SORCS3: variants seen among roughly 807,000 people sequenced by gnomAD.
The protein encoded by SORCS3 is sortilin related VPS10 domain containing receptor 3, also known as VPS10 domain-containing receptor SorCS3.
A neutral mutation model predicts 146.3 loss-of-function variants in SORCS3; 57 were observed. That is an observed-to-expected ratio of 0.39 (90% CI 0.31 to 0.49). The LOEUF is 0.49. Among genes scored for constraint, SORCS3 ranks in the 20% least tolerant of loss-of-function variants. The pLI is 0.92. For missense variants in SORCS3, 1,341 were observed against 1,575.5 expected, an observed-to-expected ratio of 0.85 and a Z score of 2.52; for synonymous variants, 653 against 618.5, an observed-to-expected ratio of 1.06 and a Z score of -0.83.
chr10:104,945,583 T>A (rs969537664), intron 3 of SORCS3, among the ~76,000 whole-genome samples: 40 of 143,410 alleles, frequency 2.8e-4, no homozygotes, highest in African/African-American at 3.0e-4. Flanking sequence ...TTTTTTTTTT[T>A]AATCATGGAA....
At chr10:105,216,765 C>T (rs540093086) in intron 18 of SORCS3, among the ~76,000 whole-genome samples, 171 bp from the exon 19 acceptor site, 6 of 152,114 alleles carry the variant, frequency 3.9e-5, no homozygotes, top group Non-Finnish European at 7.4e-5. Context: ...AGTGCCTGCC[C>T]GTAGTACCCT....
At chr10:105,165,099 G>T (rs2119521151) in intron 12 of SORCS3, among the ~76,000 whole-genome samples, 1 of 151,892 alleles carries the variant, frequency 6.6e-6, no homozygotes, top group South Asian at 2.1e-4. Context: ...CTCTCTTATG[G>T]CTACTATATT....
At chr10:104,684,550 C>T (rs935279675) in intron 1 of SORCS3, among the ~76,000 whole-genome samples, 7 of 152,126 alleles carry the variant, frequency 4.6e-5, no homozygotes, top group East Asian at 3.9e-4. Flanking sequence ...GCAGGGGCTG[C>T]GGTGTGTTTG....
chr10:104,968,266 C>T (rs925408142), intron 3 of SORCS3, among the ~76,000 whole-genome samples: 1 of 152,166 alleles, frequency 6.6e-6, no homozygotes, highest in African/African-American at 2.4e-5. Context: ...CAGGCACATG[C>T]CACCACACCC....
chr10:104,918,759 T>C (rs2133602055), intron 3 of SORCS3, among the ~76,000 whole-genome samples: 1 of 152,292 alleles, frequency 6.6e-6, no homozygotes, highest in Non-Finnish European at 1.5e-5. Context: ...AACTGGATAT[T>C]TGGTGCATGA....
At chr10:104,814,464 C>T (rs1435507222) in intron 1 of SORCS3, among the ~76,000 whole-genome samples, 4 of 152,108 alleles carry the variant, frequency 2.6e-5, no homozygotes, top group African/African-American at 4.8e-5. Context: ...CCTTCATAGA[C>T]GTTGTCCCCT....
chr10:104,982,660 A>G (rs553321980), intron 4 of SORCS3, among the ~76,000 whole-genome samples: 1 of 152,338 alleles, frequency 6.6e-6, no homozygotes, highest in East Asian at 1.9e-4. Context: ...CTGCTCACCT[A>G]CAGCAAGTGG....
At chr10:104,813,571 T>G (rs1393030813) in intron 1 of SORCS3, among the ~76,000 whole-genome samples, 1 of 152,130 alleles carries the variant, frequency 6.6e-6, no homozygotes, top group African/African-American at 2.4e-5. Flanking sequence ...TCCAGTGTGC[T>G]GGGTGCATGT....
At chr10:105,106,959 C>T (rs1016145507) in intron 7 of SORCS3, among the ~76,000 whole-genome samples, 5 of 152,182 alleles carry the variant, frequency 3.3e-5, no homozygotes, top group South Asian at 2.1e-4. Context: ...CTACCCAGTA[C>T]TCGCTGCCTG....
chr10:105,034,273 G>A (rs76881592), intron 4 of SORCS3, among the ~76,000 whole-genome samples: 112 of 152,134 alleles, frequency 7.4e-4, no homozygotes, highest in Non-Finnish European at 1.0e-3. Context: ...TACACCAAAT[G>A]GAAATAGGAA....
intron 1 of SORCS3, among the ~76,000 whole-genome samples, chr10:104,751,968 T>TATATATA (rs1369449514): frequency 1.6e-5 from 2 of 128,462 alleles, no homozygotes; most frequent in Non-Finnish European, 3.3e-5. Flanking sequence ...TATATATATA[T>TATATATA]AATAGTTTAG....
intron 1 of SORCS3, among the ~76,000 whole-genome samples, chr10:104,776,465 G>A (rs777278323): frequency 6.6e-6 from 1 of 152,058 alleles, no homozygotes; most frequent in Non-Finnish European, 1.5e-5. Context: ...AATGGGACAA[G>A]ACATTTATGC....
At chr10:104,921,055 G>C (rs569738806) in intron 3 of SORCS3, among the ~76,000 whole-genome samples, 1 of 152,242 alleles carries the variant, frequency 6.6e-6, no homozygotes, top group African/African-American at 2.4e-5. Context: ...GGAAGCAAGA[G>C]AGTGTATGGT....
intron 1 of SORCS3, among the ~76,000 whole-genome samples, chr10:104,725,655 C>T (rs187451469): frequency 1.2e-3 from 178 of 152,338 alleles, no homozygotes; most frequent in South Asian, 1.2e-3. Flanking sequence ...CTTTGTTTAC[C>T]TACTCAAGCC....
chr10:104,855,145 A>G (rs962413233), intron 2 of SORCS3, among the ~76,000 whole-genome samples: 10 of 152,172 alleles, frequency 6.6e-5, no homozygotes, highest in African/African-American at 2.4e-4. Context: ...GTACATATTT[A>G]TATGGGACTG....
intron 2 of SORCS3, among the ~76,000 whole-genome samples, chr10:104,879,177 A>G (rs970473798): frequency 6.6e-6 from 1 of 152,230 alleles, no homozygotes; most frequent in Non-Finnish European, 1.5e-5. Flanking sequence ...GAAGTTTATT[A>G]TTTTGCAGTT....
At chr10:105,040,098 G>A (rs2133702291) in intron 4 of SORCS3, among the ~76,000 whole-genome samples, 1 of 152,214 alleles carries the variant, frequency 6.6e-6, no homozygotes. Context: ...TTAAGTCTAA[G>A]CATCTGTCCC....
intron 7 of SORCS3, among the ~76,000 whole-genome samples, chr10:105,123,856 T>C (rs534513526): frequency 1.8e-4 from 28 of 152,316 alleles, no homozygotes; most frequent in African/African-American, 6.0e-4. Flanking sequence ...ATTTTGGAGA[T>C]CAAGGCAAAC....
At chr10:105,046,333 T>C (rs889134504) in intron 5 of SORCS3, among the ~76,000 whole-genome samples, 6 of 152,120 alleles carry the variant, frequency 3.9e-5, no homozygotes, top group African/African-American at 1.4e-4. Context: ...ATTTATAAGC[T>C]GCACATTTGC....
Sources: gnomAD v4.1 joint callset for allele counts (sites outside exome capture counted in the v4.1 genomes callset) on GRCh38, gnomAD v4.1.1 for gene constraint, MANE v1.5 for transcripts, NCBI Gene and HGNC (gene_info 2026-07-23, HGNC 2026-07-21) for gene names.